THSD4: variants seen among roughly 807,000 people sequenced by gnomAD.
THSD4 encodes thrombospondin type-1 domain-containing protein 4.
A neutral mutation model predicts 119.0 loss-of-function variants in THSD4; 69 were observed. The observed-to-expected ratio is 0.58, with a 90% CI of 0.48 to 0.71. The LOEUF (loss-of-function observed/expected upper bound fraction) is 0.71. THSD4 is among the 30% of genes least tolerant of loss of function. The probability of loss-of-function intolerance (pLI) is 0.00; values close to 1 mark genes in which losing one functional copy is unlikely to be tolerated. For synonymous variants in THSD4, 524 were observed against 540.4 expected, an observed-to-expected ratio of 0.97 and a Z score of 0.42; for missense variants, 1,393 against 1,391.1, an observed-to-expected ratio of 1.00 and a Z score of -0.02.
chr15:71,251,277 A>G (rs2044256574), intron 5 of THSD4, among the ~76,000 whole-genome samples: 1 of 152,226 alleles, frequency 6.6e-6, no homozygotes, highest in African/African-American at 2.4e-5. Flanking sequence ...ATACTTTTCA[A>G]GCAATTACGG....
chr15:71,696,624 A>G (rs2052170385), intron 8 of THSD4, among the ~76,000 whole-genome samples: 1 of 152,166 alleles, frequency 6.6e-6, no homozygotes, highest in African/African-American at 2.4e-5. Context: ...ATATCCCAAT[A>G]TTTCCTCCCC....
At chr15:71,449,158 A>G (rs1359786602) in intron 7 of THSD4, among the ~76,000 whole-genome samples, 1 of 152,206 alleles carries the variant, frequency 6.6e-6, no homozygotes, top group Non-Finnish European at 1.5e-5. Context: ...GTGATCACAG[A>G]GGACACTCAG....
At chr15:71,277,259 G>A (rs2044603865) in intron 6 of THSD4, among the ~76,000 whole-genome samples, 1 of 151,820 alleles carries the variant, frequency 6.6e-6, no homozygotes, top group Non-Finnish European at 1.5e-5. Context: ...CCGAGGAGCT[G>A]GGATTACAGG....
intron 7 of THSD4, among the ~76,000 whole-genome samples, chr15:71,424,386 G>T (rs2046843973): frequency 6.6e-6 from 1 of 152,130 alleles, no homozygotes; most frequent in African/African-American, 2.4e-5. Context: ...TTGGTGCAGG[G>T]TGATACTCCA....
chr15:71,138,096 C>A (rs777076443), intron 1 of THSD4, among the ~76,000 whole-genome samples: 7 of 152,120 alleles, frequency 4.6e-5, no homozygotes, highest in Non-Finnish European at 8.8e-5. Context: ...CTATAAAGAT[C>A]TACCCAAGAC....
chr15:71,550,497 C>T (rs746178650), intron 7 of THSD4, among the ~76,000 whole-genome samples: 11 of 152,286 alleles, frequency 7.2e-5, no homozygotes, highest in Non-Finnish European at 1.3e-4. Flanking sequence ...AGTGCAGTGG[C>T]ACAATCTCGG....
Position 71,735,784 on chromosome 15 carries a change from C to G in THSD4, c.1631-1948C>G, listed in dbSNP as rs375223796. On this transcript the variant is annotated intron_variant, in intron 10 of 17. Coordinates refer to ENST00000261862, the MANE Select transcript of THSD4 (RefSeq NM_024817.3). ...TGTCTGTCTTCTTCTCTGTCTCTGT[C>G]TCTCCTGCTCTCTTGCTTTCTGTCT... is the stretch of plus-strand genomic sequence containing the variant. Among the ~76,000 whole-genome samples, 29 of 151,342 alleles carry G rather than the reference C, an allele frequency of 1.9e-4. No homozygotes were observed. The East Asian group carries it at 5.7e-3, about 30-fold the overall frequency.
chr15:71,155,484 G>A lies in THSD4; in HGVS notation c.99+552G>A, dbSNP rs559169670. Among the ~76,000 whole-genome samples, 11 of 152,280 alleles carry A rather than the reference G, an allele frequency of 7.2e-5. No homozygotes were observed. The East Asian group carries it at 1.9e-3, about 27-fold the overall frequency. On this transcript the variant is annotated intron_variant, in intron 3 of 17. Transcript: ENST00000261862. ...GGGACACAGATCTGAACCATGTCAC[G>A]GAGCTTAAAACATGAAGCTGGTACC... is the stretch of plus-strand genomic sequence containing the variant.
At position 71,456,672 on chromosome 15, in the gene THSD4, A is replaced by G. The variant is rs1055515391; in HGVS notation, c.1152+44849A>G. On this transcript the variant is annotated intron_variant, in intron 7 of 17. Transcript: ENST00000261862. The stretch of plus-strand genomic sequence containing the variant: ...CTTGAGGCTGCACTGCTTCCTTTTC[A>G]ACAAGCCCCTATTCTAGAAATTGAA... 5.3e-5 allele frequency among the ~76,000 whole-genome samples: 8 copies of G among 152,294 alleles called. No homozygotes were observed. In the South Asian group the frequency reaches 1.7e-3, roughly 32 times the overall value.
chr15:71,735,244 G>A (rs2053059716), intron 10 of THSD4, among the ~76,000 whole-genome samples: 1 of 152,140 alleles, frequency 6.6e-6, no homozygotes, highest in Admixed American at 6.5e-5. Context: ...GGGCCTTCAG[G>A]TTAGGGCTCT....
At chr15:71,204,760 C>T (rs903888752) in intron 3 of THSD4, among the ~76,000 whole-genome samples, 3 of 152,106 alleles carry the variant, frequency 2.0e-5, no homozygotes, top group Admixed American at 6.5e-5. Context: ...TAAAAGTATA[C>T]GGTATTTCCA....
chr15:71,271,101 A>G (rs1397159221), intron 6 of THSD4, among the ~76,000 whole-genome samples: 1 of 152,164 alleles, frequency 6.6e-6, no homozygotes, highest in African/African-American at 2.4e-5. Context: ...CTTCTTCATC[A>G]TTTAATAAAA....
chr15:71,640,554 A>G (rs1245589877), intron 7 of THSD4, among the ~76,000 whole-genome samples: 1 of 152,182 alleles, frequency 6.6e-6, no homozygotes, highest in Non-Finnish European at 1.5e-5. Context: ...CTCCTTCAGA[A>G]CCGAGAGCAG....
rs368051031 is a variant in THSD4, at chr15:71,545,934, G to A, written c.1153-114596G>A. On this transcript the variant is annotated intron_variant, in intron 7 of 17. Transcript: ENST00000261862. ...GGTTTAAAGTTTCCTCATTAATGCAGGAAAATGCTCATAACCTGAGGCTTT... is the reference window on the plus strand; with the variant it reads ...GGTTTAAAGTTTCCTCATTAATGCAAGAAAATGCTCATAACCTGAGGCTTT... Among the ~76,000 whole-genome samples, 19 of 152,210 alleles carry A rather than the reference G, an allele frequency of 1.2e-4. No individual in the cohort carries two copies. The East Asian group carries it at 1.9e-3, about 15-fold the overall frequency.
intron 15 of THSD4, among the ~76,000 whole-genome samples, chr15:71,762,274 C>T (rs572700330): frequency 2.2e-4 from 33 of 152,254 alleles, no homozygotes; most frequent in Non-Finnish European, 2.5e-4. Flanking sequence ...AAGGCTGAGA[C>T]GGGCTCATTC....
At chr15:71,733,152 G>A (rs1452166637) in intron 10 of THSD4, 1 of 152,256 alleles carries the variant, frequency 6.6e-6, no homozygotes, top group African/African-American at 2.4e-5. Flanking sequence ...ATGGGGCTCA[G>A]CTCATGAATA....
intron 7 of THSD4, among the ~76,000 whole-genome samples, chr15:71,604,447 G>A (rs2050070341): frequency 6.6e-6 from 1 of 152,088 alleles, no homozygotes; most frequent in Non-Finnish European, 1.5e-5. Context: ...CCATATAGTT[G>A]GACTTACTAT....
At chr15:71,395,914 G>GAGAGAGACACACAC (rs535919434) in intron 6 of THSD4, among the ~76,000 whole-genome samples, 3 of 133,296 alleles carry the variant, frequency 2.3e-5, no homozygotes, top group African/African-American at 5.8e-5. Context: ...TTTGAAGAGA[G>GAGAGAGACACACAC]ACACACACAC....
intron 8 of THSD4, among the ~76,000 whole-genome samples, chr15:71,666,248 T>C (rs989452026): frequency 2.0e-5 from 3 of 152,182 alleles, no homozygotes; most frequent in African/African-American, 4.8e-5. Flanking sequence ...CTAAGTATTT[T>C]GTTCTTTTTG....
Sources: gnomAD v4.1 joint callset for allele counts (sites outside exome capture counted in the v4.1 genomes callset) on GRCh38, gnomAD v4.1.1 for gene constraint, MANE v1.5 for transcripts, NCBI Gene and HGNC (gene_info 2026-07-23, HGNC 2026-07-21) for gene names.